The following FNDC3B variants were observed in gnomAD, a reference collection of about 807,000 sequenced individuals.
FNDC3B encodes the protein fibronectin type III domain containing 3B, also known as fibronectin type III domain-containing protein 3B.
Under a neutral mutation model 151.5 loss-of-function variants are expected in FNDC3B, and 12 were observed. That is an observed-to-expected ratio of 0.08 (90% confidence interval 0.05 to 0.13). The LOEUF is 0.13. Ranked by LOEUF, FNDC3B falls within the 10% of genes least tolerant of loss-of-function variation. The pLI is 1.00. For synonymous variants in FNDC3B, 528 were observed against 549.0 expected (o/e 0.96, Z 0.54); for missense variants, 1,214 against 1,505.3 (o/e 0.81, Z 3.20).
At chr3:172,320,236 C>T (rs150567236) in intron 11 of FNDC3B, among the ~76,000 whole-genome samples, 9 of 152,044 alleles carry the variant, frequency 5.9e-5, no homozygotes, top group East Asian at 1.9e-4. Flanking sequence ...AAAAATTAGC[C>T]GGGCATGGTG....
At chr3:172,130,714 G>A (rs144156677) in intron 2 of FNDC3B, among the ~76,000 whole-genome samples, 31 of 152,270 alleles carry the variant, frequency 2.0e-4, no homozygotes, top group African/African-American at 7.0e-4. Flanking sequence ...GGGACTTTCC[G>A]TAATACTGGT....
intron 6 of FNDC3B, among the ~76,000 whole-genome samples, chr3:172,252,823 A>G (rs1728155840): frequency 6.6e-6 from 1 of 152,180 alleles, no homozygotes; most frequent in Non-Finnish European, 1.5e-5. Context: ...TTATTCTTAT[A>G]ACTCTTAAAC....
intron 3 of FNDC3B, among the ~76,000 whole-genome samples, chr3:172,218,588 A>G (rs1445860488): frequency 6.6e-6 from 1 of 152,168 alleles, no homozygotes; most frequent in Non-Finnish European, 1.5e-5. Flanking sequence ...AGTTGTTAAG[A>G]TATTATTCAT....
At chr3:172,154,340 C>T (rs1022251030) in intron 3 of FNDC3B, among the ~76,000 whole-genome samples, 3 of 152,114 alleles carry the variant, frequency 2.0e-5, no homozygotes, top group Non-Finnish European at 2.9e-5. Flanking sequence ...CTCAGCCTCC[C>T]GAGTAGCTGG....
At chr3:172,083,363 G>A (rs932887632) in intron 1 of FNDC3B, among the ~76,000 whole-genome samples, 5 of 152,224 alleles carry the variant, frequency 3.3e-5, no homozygotes, top group Non-Finnish European at 5.9e-5. Flanking sequence ...TTGGGTTTGC[G>A]TTGCTGCTGA....
intron 3 of FNDC3B, among the ~76,000 whole-genome samples, chr3:172,198,097 T>A (rs1375769135): frequency 6.6e-6 from 1 of 152,256 alleles, no homozygotes; most frequent in African/African-American, 2.4e-5. Flanking sequence ...TTAACCCATC[T>A]TATGTGTGCT....
In FNDC3B at chr3:172,162,594, T is replaced by G. The variant is rs536507545; in HGVS notation, c.187+29048T>G. Among the ~76,000 whole-genome samples, 7 of 152,132 alleles carry G rather than the reference T, an allele frequency of 4.6e-5. No individual in the cohort carries two copies. In the South Asian group the frequency reaches 1.5e-3, roughly 32 times the overall value. ...CCAAAGCAGCTGTACCACTTTATCT[T>G]CCCACCAGCAGTGTATGAGGGTTCC... On this transcript the variant is annotated intron_variant, in intron 3 of 25. Transcript: ENST00000415807.
Position 172,400,239 on chromosome 3 carries a change from G to A in FNDC3B, c.*2764G>A, listed in dbSNP as rs1364315081. On this transcript the variant is annotated 3_prime_UTR_variant, in exon 26 of 26. Transcript: ENST00000415807. ...CTGGCACAAGAAATTCCAGTCATGT[G>A]AAGCAAACTGCCCTTTGTCCTCAAA... The A allele has an allele frequency of 6.6e-6, 1 of 152,290 alleles. No homozygotes were observed. Among genetic ancestry groups the A allele is most frequent in the Non-Finnish European group, 1.5e-5 (1 of 68,026 alleles). 9.4% of individuals were successfully genotyped at this position (152,290 alleles called of 1,614,324 possible). A position where few individuals can be genotyped will look rare whatever the true frequency, so the allele number is the denominator to read the frequency against.
chr3:172,359,523 A>C (rs1734266598), intron 22 of FNDC3B, among the ~76,000 whole-genome samples: 1 of 152,188 alleles, frequency 6.6e-6, no homozygotes, highest in Non-Finnish European at 1.5e-5. Flanking sequence ...AGGTGAGGAA[A>C]TGTGTTACAC....
At chr3:172,278,131 T>C (rs889570620) in intron 6 of FNDC3B, among the ~76,000 whole-genome samples, 1 of 152,260 alleles carries the variant, frequency 6.6e-6, no homozygotes, top group Non-Finnish European at 1.5e-5. Flanking sequence ...CAAAACTTGC[T>C]GGATAGGAGA....
At chr3:172,312,284 G>A (rs532014876) in intron 11 of FNDC3B, among the ~76,000 whole-genome samples, 2 of 152,262 alleles carry the variant, frequency 1.3e-5, no homozygotes, top group South Asian at 2.1e-4. Context: ...TCTTAGGATC[G>A]TTTCGAATAG....
intron 11 of FNDC3B, chr3:172,317,392 G>A (rs953916927): frequency 3.6e-6 from 1 of 276,210 alleles, no homozygotes; most frequent in Non-Finnish European, 7.3e-6. Context: ...CACCATGTTA[G>A]CCAGCATGGT....
At chr3:172,262,894 CAAAAAAAAAAAAAA>C (rs67891835) in intron 6 of FNDC3B, among the ~76,000 whole-genome samples, 11 of 60,634 alleles carry the variant, frequency 1.8e-4, no homozygotes, top group South Asian at 6.2e-4. Context: ...GAGACCGACT[CAAAAAAAAAAAAAA>C]AAAAAAAAAA....
chr3:172,147,284 C>T (rs1053596864), intron 3 of FNDC3B, among the ~76,000 whole-genome samples: 3 of 145,372 alleles, frequency 2.1e-5, no homozygotes, highest in Non-Finnish European at 4.5e-5. Flanking sequence ...TCGAGCCTGG[C>T]GACAGAGTGA....
At chr3:172,217,206 C>T (rs1050540793) in intron 3 of FNDC3B, among the ~76,000 whole-genome samples, 1 of 152,200 alleles carries the variant, frequency 6.6e-6, no homozygotes, top group Non-Finnish European at 1.5e-5. Context: ...AAAGCAACAA[C>T]CAAGGGTTCT....
Position 172,115,870 on chromosome 3 carries a change from AT to A in FNDC3B, c.111+3282del, listed in dbSNP as rs1253739260. 3.3e-5 allele frequency among the ~76,000 whole-genome samples: 5 copies of A among 152,334 alleles called. No homozygotes were observed. In the East Asian group the frequency reaches 9.6e-4, roughly 29 times the overall value. ...AATACTTTGCAGCTGTGCAAAGGAC[AT>A]TCTAAACATTTCTATATATGCAAAA... On this transcript the variant is annotated intron_variant, in intron 2 of 25. Coordinates refer to ENST00000415807, the MANE Select transcript of FNDC3B (RefSeq NM_022763.4).
chr3:172,332,052 C>T (rs1039935146), intron 13 of FNDC3B, among the ~76,000 whole-genome samples: 1 of 152,122 alleles, frequency 6.6e-6, no homozygotes, highest in Non-Finnish European at 1.5e-5. Context: ...CCCTCTGCAA[C>T]CTCTGCCTCC....
In FNDC3B at chr3:172,044,349, T is replaced by C. The variant is rs147047842; in HGVS notation, c.-29+4578T>C. Among the ~76,000 whole-genome samples, 390 of 151,922 alleles carry C rather than the reference T, an allele frequency of 2.6e-3. 2 individuals carry two copies. The highest frequency in any genetic ancestry group is 8.7e-3 in the African/African-American group (359 of 41,368). On this transcript the variant is annotated intron_variant, in intron 1 of 25. Coordinates refer to ENST00000415807, the MANE Select transcript of FNDC3B (RefSeq NM_022763.4). ...GGCAAATTATAATGTAATCTCTTTTTATTAGGATTTTTAAGAGGCAACTGC... is the reference window on the plus strand; with the variant it reads ...GGCAAATTATAATGTAATCTCTTTTCATTAGGATTTTTAAGAGGCAACTGC...
chr3:172,125,503 C>G (rs950411989), intron 2 of FNDC3B, among the ~76,000 whole-genome samples: 2 of 151,896 alleles, frequency 1.3e-5, no homozygotes, highest in Admixed American at 1.3e-4. Context: ...AGAGGTTCCT[C>G]CCCCGTGGGA....
Sources: allele counts gnomAD v4.1 joint callset (sites outside exome capture counted in the v4.1 genomes callset), GRCh38; gene constraint gnomAD v4.1.1; transcripts MANE v1.5; gene names NCBI Gene and HGNC (gene_info 2026-07-23, HGNC 2026-07-21).